Variants in XAF1 observed in about 807,000 individuals in gnomAD.
The protein encoded by XAF1 is XIAP associated factor 1, also known as XIAP-associated factor 1.
XAF1 carries 32 observed loss-of-function variants against 32.3 expected under a neutral mutation model. The observed-to-expected ratio is 0.99, with a 90% confidence interval of 0.75 to 1.33. The LOEUF is 1.33. Among genes scored for constraint, XAF1 ranks in the 40% most tolerant of loss-of-function variants. The probability of loss-of-function intolerance (pLI) is 0.00; values close to 1 mark genes in which losing one functional copy is unlikely to be tolerated. For missense variants in XAF1, 379 were observed against 366.0 expected, an observed-to-expected ratio of 1.04 and a Z score of -0.29; for synonymous variants, 120 against 125.9, an observed-to-expected ratio of 0.95 and a Z score of 0.31.
At chr17:6,759,425 T>C in intron 2 of XAF1, 5 of 1,414,270 alleles carry the variant, frequency 3.5e-6, no homozygotes, top group Non-Finnish European at 4.6e-6. Context: ...GATCTGTCTC[T>C]CTGGAGATAC....
intron 5 of XAF1, among the ~76,000 whole-genome samples, chr17:6,766,503 C>CT (rs1975636089): frequency 6.6e-6 from 1 of 152,118 alleles, no homozygotes; most frequent in South Asian, 2.1e-4. Flanking sequence ...ATAGATTTCA[C>CT]TTTTTTATAC....
Position 6,758,170 on chromosome 17 carries a change from G to A in XAF1, c.114G>A (p.Glu38=). The change falls in exon 2 of 7, where the codon GAG becomes GAA. Residue 38 remains glutamate (E), a synonymous_variant. Transcript: ENST00000361842. ...LRFLVLCPEC[E]EPVPKETMEE... ...TCCTGGTCCTGTGTCCGGAGTGTGA[G>A]GAGCCTGTCCCCAAGGAAACCATGG... is the stretch of plus-strand genomic sequence containing the variant. 6.2e-7 allele frequency: 1 copy of A among 1,614,248 alleles called. No individual in the cohort carries two copies. The highest frequency in any genetic ancestry group is 1.1e-5 in the South Asian group (1 of 91,090).
At chr17:6,760,349 A>T in intron 3 of XAF1, 57 bp from the exon 4 acceptor site, 1 of 614,216 alleles carries the variant, frequency 1.6e-6, no homozygotes, top group Non-Finnish European at 2.3e-6. Flanking sequence ...CTCTGTCTCA[A>T]AAAAAAAAAA....
chr17:6,771,837 C>A (rs1238042957), intron 6 of XAF1: 1 of 152,124 alleles, frequency 6.6e-6, no homozygotes, highest in Non-Finnish European at 1.5e-5. Flanking sequence ...AACCCTAATT[C>A]CCCAACCCCA....
In XAF1 at chr17:6,774,901, CG is replaced by C. The variant is rs1429657989; in HGVS notation, c.*1733del. On this transcript the variant is annotated 3_prime_UTR_variant, in exon 7 of 7. Coordinates refer to ENST00000361842, the MANE Select transcript of XAF1 (RefSeq NM_017523.5). Reference sequence around the variant, plus strand: ...GCTAAAAATACGAAAATTAGCCAGGCGTGGTGGCGAGCACCTGTCATCCCAG... The same window carrying C: ...GCTAAAAATACGAAAATTAGCCAGGCTGGTGGCGAGCACCTGTCATCCCAG... 6.6e-6 allele frequency: 1 copy of C among 151,988 alleles called. No homozygotes were observed. The highest frequency in any genetic ancestry group is 2.4e-5 in the African/African-American group (1 of 41,368). 9.4% of individuals were successfully genotyped at this position (151,988 alleles called of 1,614,324 possible). A position where few individuals can be genotyped will look rare whatever the true frequency, so the allele number is the denominator to read the frequency against.
rs1976212825 is a variant in XAF1, at chr17:6,773,512, G to A, written c.*343G>A. On this transcript the variant is annotated 3_prime_UTR_variant, in exon 7 of 7. Transcript: ENST00000361842. ...CATTACTCTTGAGAAGTAGAACAAG[G>A]CACTTCAGTCCTATTCAACATAGTA... 8.5e-6 allele frequency: 2 copies of A among 235,900 alleles called. No individual in the cohort carries two copies. The highest frequency in any genetic ancestry group is 1.6e-5 in the Non-Finnish European group (2 of 122,570). 14.6% of individuals were successfully genotyped at this position (235,900 alleles called of 1,614,324 possible). A position where few individuals can be genotyped will look rare whatever the true frequency, so the allele number is the denominator to read the frequency against.
At chr17:6,759,116 G>T (rs559659434) in intron 2 of XAF1, 422 of 1,017,576 alleles carry the variant, frequency 4.1e-4, no homozygotes, top group Non-Finnish European at 4.7e-4. Context: ...CAGTCCCCCA[G>T]GCAGAGACTC....
chr17:6,759,629 G>GGT (rs3833979), intron 2 of XAF1, 33 bp from the exon 3 acceptor site: 228,533 of 1,453,444 alleles, frequency 0.16, 6,242 homozygotes, highest in African/African-American at 0.42. Context: ...ACCCACATCT[G>GGT]GTGTGTGTGT....
Position 6,761,164 on chromosome 17 carries a change from AG to A in XAF1, c.421+570del, listed in dbSNP as rs376886096. Among the ~76,000 whole-genome samples the A allele has an allele frequency of 8.1e-3, 1,150 of 141,438 alleles. 19 individuals carry two copies. Among genetic ancestry groups the A allele is most frequent in the African/African-American group, 0.028 (1,088 of 38,332 alleles). 92.8% of individuals were successfully genotyped at this position (141,438 alleles called of 152,430 possible). Reference sequence around the variant, plus strand: ...AGCAAAACTCTGTCTCAAAAAAAAAAGGGGGGGACCATGGGGAGTCCTAGGA... The same window carrying A: ...AGCAAAACTCTGTCTCAAAAAAAAAAGGGGGGACCATGGGGAGTCCTAGGA... On this transcript the variant is annotated intron_variant, in intron 4 of 6. Transcript: ENST00000361842.
At chr17:6,758,698 T>G (rs1338502183) in intron 2 of XAF1, 8 of 231,124 alleles carry the variant, frequency 3.5e-5, no homozygotes, top group African/African-American at 2.6e-4. Context: ...AGTCACAGAG[T>G]GGGTCCAGTC....
intron 2 of XAF1, chr17:6,758,769 G>A (rs1455331369): frequency 1.1e-5 from 3 of 279,212 alleles, no homozygotes; most frequent in African/African-American, 7.2e-5. Context: ...CTCCCTGCAG[G>A]TGAGATGGGG....
Position 6,774,632 on chromosome 17 carries a change from G to A in XAF1, c.*1463G>A, listed in dbSNP as rs1014657203. The A allele has an allele frequency of 6.6e-6, 1 of 152,150 alleles. No homozygotes were observed. Among genetic ancestry groups the A allele is most frequent in the African/African-American group, 2.4e-5 (1 of 41,418 alleles). 9.4% of individuals were successfully genotyped at this position (152,150 alleles called of 1,614,324 possible). On this transcript the variant is annotated 3_prime_UTR_variant, in exon 7 of 7. Coordinates refer to ENST00000361842, the MANE Select transcript of XAF1 (RefSeq NM_017523.5). ...CCCATTATTGGTTATATACCCAAAG[G>A]AATCTAAATCATTCTGTCATAAAGA...
Position 6,760,400 on chromosome 17 carries a change from C to G in XAF1, c.226-6C>G, listed in dbSNP as rs367869456. On this transcript the variant is annotated splice_region_variant and splice_polypyrimidine_tract_variant and intron_variant, in intron 3 of 6. Transcript: ENST00000361842. ...GTGATCATGCCCTTCCTGCTGCCTCCCACAGGCCAATGAGTGCCAGGAGCG... is the reference window on the plus strand; with the variant it reads ...GTGATCATGCCCTTCCTGCTGCCTCGCACAGGCCAATGAGTGCCAGGAGCG... 112 of 1,608,878 alleles carry G rather than the reference C, an allele frequency of 7.0e-5. No homozygotes were observed. The African/African-American group carries it at 1.4e-3, about 20-fold the overall frequency.
At chr17:6,758,436 G>A in intron 2 of XAF1, 1 of 706,762 alleles carries the variant, frequency 1.4e-6, no homozygotes, top group Non-Finnish European at 2.3e-6. Context: ...CTCTGCAGGT[G>A]AGATGGGGTC....
intron 3 of XAF1, 45 bp from the exon 4 acceptor site, chr17:6,760,361 A>AG: frequency 6.7e-7 from 1 of 1,494,902 alleles, no homozygotes; most frequent in South Asian, 1.3e-5. Context: ...AAAAAAAAAA[A>AG]AAAAAAAGGG....
chr17:6,771,072 A>G, intron 6 of XAF1, 88 bp downstream of exon 6: 1 of 1,464,558 alleles, frequency 6.8e-7, no homozygotes, highest in Non-Finnish European at 9.3e-7. Flanking sequence ...ATGTTCACAA[A>G]TGTTGTGGCT....
intron 6 of XAF1, chr17:6,771,829 C>T (rs990214820): frequency 2.0e-5 from 3 of 152,084 alleles, no homozygotes; most frequent in African/African-American, 7.2e-5. Context: ...GCAAAGCTAA[C>T]CCTAATTCCC....
In XAF1 at chr17:6,771,057, G is replaced by A. The variant is rs758589799; in HGVS notation, c.849+73G>A. 16 of 1,515,522 alleles carry A rather than the reference G, an allele frequency of 1.1e-5. No homozygotes were observed. The African/African-American group carries it at 2.1e-4, about 20-fold the overall frequency. 93.9% of individuals were successfully genotyped at this position (1,515,522 alleles called of 1,614,324 possible). Reference sequence around the variant, plus strand: ...AGTGTCTTAAAAAAATCCAAGACCTGAAAGATGTTCACAAATGTTGTGGCT... The same window carrying A: ...AGTGTCTTAAAAAAATCCAAGACCTAAAAGATGTTCACAAATGTTGTGGCT... On this transcript the variant is annotated intron_variant, in intron 6 of 6. Coordinates refer to ENST00000361842, the MANE Select transcript of XAF1 (RefSeq NM_017523.5).
rs893605159 is a variant in XAF1, at chr17:6,760,609, C to A, written c.421+8C>A. The stretch of plus-strand genomic sequence containing the variant: ...AGGCCCAGCTCGGGAAAGGTAAGCA[C>A]ACAAACTGGGGTGGAAGAGAGACGT... On this transcript the variant is annotated splice_region_variant and intron_variant, in intron 4 of 6. Transcript: ENST00000361842. The A allele has an allele frequency of 1.2e-6, 2 of 1,601,524 alleles. No homozygotes were observed. The highest frequency in any genetic ancestry group is 1.3e-5 in the African/African-American group (1 of 74,694).
Sources: allele counts gnomAD v4.1 joint callset (sites outside exome capture counted in the v4.1 genomes callset), GRCh38; gene constraint gnomAD v4.1.1; transcripts MANE v1.5; gene names NCBI Gene and HGNC (gene_info 2026-07-23, HGNC 2026-07-21).